NT5DC3: variants seen among roughly 807,000 people sequenced by gnomAD.
NT5DC3 encodes the protein 5'-nucleotidase domain containing 3.
A neutral mutation model predicts 67.8 loss-of-function variants in NT5DC3; 42 were observed. The ratio of observed to expected loss-of-function variants is 0.62; its 90% CI spans 0.48 to 0.80. NT5DC3 has a LOEUF of 0.80. Among genes scored for constraint, NT5DC3 ranks in the 30% least tolerant of loss-of-function variants. The pLI, the probability that NT5DC3 is intolerant of heterozygous loss-of-function variation, is 0.00. For synonymous variants in NT5DC3, 237 were observed against 255.6 expected, an observed-to-expected ratio of 0.93 and a Z score of 0.69; for missense variants, 570 against 696.4, an observed-to-expected ratio of 0.82 and a Z score of 2.04.
chr12:103,803,149 C>A (rs74341882), intron 4 of NT5DC3, among the ~76,000 whole-genome samples: 8 of 152,190 alleles, frequency 5.3e-5, no homozygotes, highest in Non-Finnish European at 1.0e-4. Context: ...TTCTCTCCCC[C>A]ACCCTCACCA....
At chr12:103,759,015 C>A in the NT5DC3 span, 1 of 1,537,898 alleles carries the variant, frequency 6.5e-7, no homozygotes, top group Non-Finnish European at 8.9e-7. Context: ...CTGATCTCCA[C>A]ATGGAGGCAG....
chr12:103,772,192 A>C (rs1377227117), downstream of NT5DC3: 2 of 152,162 alleles, frequency 1.3e-5, no homozygotes, highest in African/African-American at 4.8e-5. Flanking sequence ...ATTTTTGTAG[A>C]AATAACCTCA....
chr12:103,774,038 C>G lies in NT5DC3; in HGVS notation c.*3791G>C, dbSNP rs1215707340. 1 of 152,142 alleles carries G rather than the reference C, an allele frequency of 6.6e-6. No individual in the cohort carries two copies. Among genetic ancestry groups the G allele is most frequent in the Admixed American group, 6.5e-5 (1 of 15,278 alleles). 9.4% of individuals were successfully genotyped at this position (152,142 alleles called of 1,614,324 possible). A position where few individuals can be genotyped will look rare whatever the true frequency, so the allele number is the denominator to read the frequency against. The stretch of plus-strand genomic sequence containing the variant: ...CTATGTTAGGGGGAAAGTGGGAGCT[C>G]TAAGCCAAACAACTAAAGTATTTCA... On this transcript the variant is annotated 3_prime_UTR_variant, in exon 14 of 14. Transcript: ENST00000392876.
chr12:103,779,615 C>T (rs550875342), intron 13 of NT5DC3, among the ~76,000 whole-genome samples: 42 of 152,286 alleles, frequency 2.8e-4, no homozygotes, highest in Admixed American at 2.4e-3. Flanking sequence ...TGGAGTCAGG[C>T]TGCCCACTGC....
chr12:103,750,592 G>A, the NT5DC3 span: 1 of 1,614,198 alleles, frequency 6.2e-7, no homozygotes, highest in South Asian at 1.1e-5. Context: ...AAGCACAAGT[G>A]TGAGTGTAAA....
chr12:103,787,810 G>A (rs777018057), intron 10 of NT5DC3, among the ~76,000 whole-genome samples: 1 of 152,106 alleles, frequency 6.6e-6, no homozygotes, highest in Non-Finnish European at 1.5e-5. Flanking sequence ...TAGCAGCTGG[G>A]AAGTACCATG....
the NT5DC3 span, among the ~76,000 whole-genome samples, chr12:103,754,005 A>G: frequency 6.6e-6 from 1 of 152,306 alleles, no homozygotes; most frequent in South Asian, 2.1e-4. Context: ...AGTCCTACCC[A>G]TTTGGAAAAG....
At chr12:103,836,707 T>A (rs2139489835) in intron 1 of NT5DC3, among the ~76,000 whole-genome samples, 1 of 152,338 alleles carries the variant, frequency 6.6e-6, no homozygotes, top group Non-Finnish European at 1.5e-5. Flanking sequence ...TGTGAATGTT[T>A]ATGCATCCTG....
chr12:103,811,244 A>T (rs946716454), intron 2 of NT5DC3, among the ~76,000 whole-genome samples: 6 of 151,880 alleles, frequency 4.0e-5, no homozygotes, highest in African/African-American at 1.5e-4. Context: ...GTATGTTCTA[A>T]AAGAAAATGC....
intron 2 of NT5DC3, among the ~76,000 whole-genome samples, chr12:103,814,064 A>G (rs1469716949): frequency 2.0e-5 from 3 of 152,180 alleles, no homozygotes; most frequent in African/African-American, 7.2e-5. Context: ...GACCTCCACT[A>G]GGAGGCTGCA....
intron 2 of NT5DC3, among the ~76,000 whole-genome samples, chr12:103,814,041 C>T (rs948675092): frequency 6.6e-6 from 1 of 152,192 alleles, no homozygotes; most frequent in Non-Finnish European, 1.5e-5. Context: ...CAGACACACT[C>T]AATGTCTAAG....
chr12:103,748,584 CCACA>C, the NT5DC3 span, among the ~76,000 whole-genome samples: 393 of 141,924 alleles, frequency 2.8e-3, 1 homozygote, highest in African/African-American at 9.7e-3. Flanking sequence ...TAACTCTACA[CCACA>C]CACACACACA....
chr12:103,761,102 T>G, the NT5DC3 span, among the ~76,000 whole-genome samples: 12 of 152,254 alleles, frequency 7.9e-5, no homozygotes, highest in African/African-American at 2.9e-4. Context: ...TCTGCAGCCC[T>G]CAGATCAGCT....
At chr12:103,826,955 T>C (rs954727175) in intron 1 of NT5DC3, among the ~76,000 whole-genome samples, 19 of 152,180 alleles carry the variant, frequency 1.2e-4, no homozygotes, top group African/African-American at 4.6e-4. Flanking sequence ...AATCAATAAA[T>C]ACATATGCCT....
intron 2 of NT5DC3, 60 bp from the exon 3 acceptor site, chr12:103,806,989 C>T (rs903893704): frequency 4.1e-6 from 4 of 977,088 alleles, no homozygotes; most frequent in African/African-American, 1.6e-5. Context: ...GGATCCTGTC[C>T]AGATCTGGCC....
chr12:103,747,956 C>G, the NT5DC3 span, among the ~76,000 whole-genome samples: 1 of 143,574 alleles, frequency 7.0e-6, no homozygotes, highest in Non-Finnish European at 1.5e-5. Flanking sequence ...GATCAGGCCA[C>G]TCTACTCTAG....
At chr12:103,784,078 T>C (rs1885668134) in intron 12 of NT5DC3, among the ~76,000 whole-genome samples, 1 of 152,198 alleles carries the variant, frequency 6.6e-6, no homozygotes, top group South Asian at 2.1e-4. Context: ...GGGAAAATTG[T>C]ACCTACCTGC....
At chr12:103,788,473 T>C (rs1297554646) in intron 10 of NT5DC3, among the ~76,000 whole-genome samples, 1 of 152,174 alleles carries the variant, frequency 6.6e-6, no homozygotes, top group African/African-American at 2.4e-5. Flanking sequence ...ACTCACAAAA[T>C]TGTGTACAAA....
intron 4 of NT5DC3, among the ~76,000 whole-genome samples, chr12:103,801,672 T>C (rs991887155): frequency 2.0e-5 from 3 of 152,124 alleles, no homozygotes; most frequent in African/African-American, 7.2e-5. Context: ...CGAGCCACAG[T>C]GCCCAGACAG....
Sources: allele counts gnomAD v4.1 joint callset (sites outside exome capture counted in the v4.1 genomes callset), GRCh38; gene constraint gnomAD v4.1.1; transcripts MANE v1.5; gene names NCBI Gene and HGNC (gene_info 2026-07-23, HGNC 2026-07-21).